Variants in DRD5 observed in about 807,000 individuals in gnomAD.
DRD5 encodes the protein D(1B) dopamine receptor.
For synonymous variants in DRD5, 327 were observed against 277.1 expected (o/e 1.18, Z -1.79); for missense variants, 758 against 657.8 (o/e 1.15, Z -1.67).
chr4:9,783,357 C>A lies in DRD5; in HGVS notation c.1328C>A (p.Thr443Lys), dbSNP rs1718777260. The change falls in exon 1 of 1, where the codon ACG (threonine) becomes AAG (lysine). Residue 443 changes from threonine to lysine, a missense_variant. Thr to Lys is a moderately conservative substitution (Grantham distance 78). Transcript: ENST00000304374. ...GATCGCATGTTCCAGATCTATCAGA[C>A]GTCCCCAGATGGTGACCCTGTTGCT... ...PFDRMFQIYQ[T>K]SPDGDPVAES... 1.9e-6 allele frequency: 3 copies of A among 1,614,112 alleles called. No individual in the cohort carries two copies.
At position 9,783,526 on chromosome 4, in the gene DRD5, C is replaced by T. The variant is rs1718814142; in HGVS notation, c.*63C>T. ...GCACAGACATTGACAAGCACGCACA[C>T]ACACGCAAATACATGCCTTTCCAGT... On this transcript the variant is annotated 3_prime_UTR_variant, in exon 1 of 1. Transcript: ENST00000304374. 1 of 1,450,244 alleles carries T rather than the reference C, an allele frequency of 6.9e-7. No individual in the cohort carries two copies. Among genetic ancestry groups the T allele is most frequent in the Non-Finnish European group, 9.4e-7 (1 of 1,066,532 alleles). 89.8% of individuals were successfully genotyped at this position (1,450,244 alleles called of 1,614,324 possible).
In DRD5 at chr4:9,782,163, G is replaced by C; in HGVS notation, c.134G>C (p.Cys45Ser). The C allele has an allele frequency of 6.3e-7, 1 of 1,591,214 alleles. No homozygotes were observed. Among genetic ancestry groups the C allele is most frequent in the Non-Finnish European group, 8.6e-7 (1 of 1,168,388 alleles). The stretch of plus-strand genomic sequence containing the variant: ...GGGCCCTCACAGGTGGTCACCGCCT[G>C]CCTGCTGACCCTACTCATCATCTGG... ...PLGPSQVVTA[C>S]LLTLLIIWTL... is the part of the protein sequence containing the mutation. The change falls in exon 1 of 1, where the codon TGC becomes TCC. Residue 45 changes from cysteine to serine, a missense_variant. Transcript: ENST00000304374.
Position 9,783,278 on chromosome 4 carries a change from G to A in DRD5, c.1249G>A (p.Ala417Thr), listed in dbSNP as rs1365672576. 4 of 1,614,158 alleles carry A rather than the reference G, an allele frequency of 2.5e-6. No individual in the cohort carries two copies. Among genetic ancestry groups the A allele is most frequent in the East Asian group, 4.5e-5 (2 of 44,872 alleles). Residue 417 changes from alanine to threonine, a missense_variant, in exon 1 of 1, where the codon GCC becomes ACC. Coordinates refer to ENST00000304374, the MANE Select transcript of DRD5 (RefSeq NM_000798.5). Reference protein sequence around the residue: ...AAAYIHMMPNAVTPGNREVDN... With the variant: ...AAAYIHMMPNTVTPGNREVDN... ...TGCCTACATCCACATGATGCCCAAC[G>A]CCGTTACCCCCGGCAACCGGGAGGT...
chr4:9,781,760 G>T lies in DRD5; in HGVS notation c.-270G>T, dbSNP rs1469718352. ...GGCGCGCTACAGACTCCCGAGAACA[G>T]CCCTGGCTGTCAGCGAGCACCAGCC... On this transcript the variant is annotated 5_prime_UTR_variant, in exon 1 of 1. Transcript: ENST00000304374. The T allele has an allele frequency of 5.0e-6, 2 of 396,216 alleles. No homozygotes were observed. The highest frequency in any genetic ancestry group is 8.9e-6 in the Non-Finnish European group (2 of 225,610). 24.5% of individuals were successfully genotyped at this position (396,216 alleles called of 1,614,324 possible).
rs1202240996 is a variant in DRD5 at position 9,782,370 on chromosome 4, A to G, written c.341A>G (p.Asp114Gly). ...TACTGGCCCTTTGGAGCGTTCTGCG[A>G]CGTCTGGGTGGCCTTCGACATCATG... ...AGYWPFGAFC[D>G]VWVAFDIMCS... Residue 114 changes from aspartate to glycine, a missense_variant, in exon 1 of 1, where the codon GAC (aspartate) becomes GGC (glycine). Coordinates refer to ENST00000304374, the MANE Select transcript of DRD5 (RefSeq NM_000798.5). The G allele has an allele frequency of 6.2e-7, 1 of 1,613,974 alleles. No individual in the cohort carries two copies. Among genetic ancestry groups the G allele is most frequent in the Admixed American group, 1.7e-5 (1 of 60,020 alleles).
In DRD5 at chr4:9,782,783, G is replaced by A. The variant is rs750183500; in HGVS notation, c.754G>A (p.Ala252Thr). 2 of 1,613,828 alleles carry A rather than the reference G, an allele frequency of 1.2e-6. No individual in the cohort carries two copies. The highest frequency in any genetic ancestry group is 2.7e-5 in the African/African-American group (2 of 74,920). ...IVTYTRIYRI[A>T]QVQIRRISSL... ...GACCTACACGCGCATCTACCGCATC[G>A]CCCAGGTGCAGATCCGCAGGATTTC... is the stretch of plus-strand genomic sequence containing the variant. Residue 252 changes from alanine to threonine, a missense_variant, in exon 1 of 1, where the codon GCC (alanine) becomes ACC (threonine). Ala to Thr is a moderately conservative substitution (Grantham distance 58). Transcript: ENST00000304374.
Position 9,781,663 on chromosome 4 carries a change from C to A in DRD5, c.-367C>A. 1 of 196,168 alleles carries A rather than the reference C, an allele frequency of 5.1e-6. No homozygotes were observed. The highest frequency in any genetic ancestry group is 1.0e-5 in the Non-Finnish European group (1 of 97,228). 12.2% of individuals were successfully genotyped at this position (196,168 alleles called of 1,614,324 possible). The stretch of plus-strand genomic sequence containing the variant: ...CCAGCCTGGCGCCCGCGACTGCCTG[C>A]CCCAGCCCCTCAGTGGCGGCTTGCT... On this transcript the variant is annotated 5_prime_UTR_variant, in exon 1 of 1. Coordinates refer to ENST00000304374, the MANE Select transcript of DRD5 (RefSeq NM_000798.5).
chr4:9,781,954 G>A lies in DRD5; in HGVS notation c.-76G>A. ...GGCTGAGGGGGCGCATCCTCGGGGTGCCCGATGGGGCTGCCTGGGGGTCGC... is the reference window on the plus strand; with the variant it reads ...GGCTGAGGGGGCGCATCCTCGGGGTACCCGATGGGGCTGCCTGGGGGTCGC... On this transcript the variant is annotated 5_prime_UTR_variant, in exon 1 of 1. Coordinates refer to ENST00000304374, the MANE Select transcript of DRD5 (RefSeq NM_000798.5). 1 of 1,274,528 alleles carries A rather than the reference G, an allele frequency of 7.8e-7. No homozygotes were observed. Among genetic ancestry groups the A allele is most frequent in the Non-Finnish European group, 1.0e-6 (1 of 968,826 alleles). The allele number at this position is 1,274,528 out of a possible 1,614,324, so 79.0% of individuals were successfully genotyped here.
rs934620937 is a variant in DRD5 at position 9,783,614 on chromosome 4, G to A, written c.*151G>A. On this transcript the variant is annotated 3_prime_UTR_variant, in exon 1 of 1. Coordinates refer to ENST00000304374, the MANE Select transcript of DRD5 (RefSeq NM_000798.5). ...GTGTGCTTAGAAACCTCACCCCATT[G>A]ATTGGTAGTTCGAAGAATTGGCAGA... 50 of 747,750 alleles carry A rather than the reference G, an allele frequency of 6.7e-5. No individual in the cohort carries two copies. In the African/African-American group the frequency reaches 7.6e-4, roughly 11 times the overall value. The allele number at this position is 747,750 out of a possible 1,614,324, so 46.3% of individuals were successfully genotyped here.
rs1718627743 is a variant in DRD5, at chr4:9,782,674, G to C, written c.645G>C (p.Glu215Asp). Reference sequence around the variant, plus strand: ...TTTGGGAGCCCGACGTGAATGCAGAGAACTGTGACTCCAGCCTGAATCGAA... The same window carrying C: ...TTTGGGAGCCCGACGTGAATGCAGACAACTGTGACTCCAGCCTGAATCGAA... ...EDFWEPDVNA[E>D]NCDSSLNRTY... The change falls in exon 1 of 1, where the codon GAG becomes GAC. Residue 215 changes from glutamate to aspartate, a missense_variant. Physicochemically the swap from Glu to Asp is conservative, Grantham distance 45 (BLOSUM62 2). Transcript: ENST00000304374. The C allele has an allele frequency of 1.9e-6, 3 of 1,613,900 alleles. No homozygotes were observed. Among genetic ancestry groups the C allele is most frequent in the Non-Finnish European group, 2.5e-6 (3 of 1,179,874 alleles).
chr4:9,782,446 C>A lies in DRD5; in HGVS notation c.417C>A (p.Tyr139Ter). 6.2e-7 allele frequency: 1 copy of A among 1,614,014 alleles called. No individual in the cohort carries two copies. Among genetic ancestry groups the A allele is most frequent in the Non-Finnish European group, 8.5e-7 (1 of 1,179,848 alleles). Residue 139 changes from tyrosine to a stop codon, truncating the protein, a stop_gained, in exon 1 of 1, where the codon TAC becomes TAA. Coordinates refer to ENST00000304374, the MANE Select transcript of DRD5 (RefSeq NM_000798.5). LOFTEE classifies it low-confidence loss of function (END_TRUNC). ...TGTGCGTCATCAGCGTGGACCGCTA[C>A]TGGGCCATCTCCAGGCCCTTCCGCT... ...LNLCVISVDR[Y>*]WAISRPFRYK...
chr4:9,782,291 C>A lies in DRD5; in HGVS notation c.262C>A (p.Leu88Ile), dbSNP rs148402761. The A allele has an allele frequency of 3.7e-6, 6 of 1,614,016 alleles. No homozygotes were observed. The highest frequency in any genetic ancestry group is 1.7e-5 in the Admixed American group (1 of 60,022). ...CATCGTGTCTCTGGCCGTGTCAGAC[C>A]TTTTCGTGGCGCTGCTGGTCATGCC... Reference protein sequence around the residue: ...VFIVSLAVSDLFVALLVMPWK... With the variant: ...VFIVSLAVSDIFVALLVMPWK... The change falls in exon 1 of 1, where the codon CTT becomes ATT. Residue 88 changes from leucine to isoleucine, a missense_variant. Leu to Ile is a conservative substitution (Grantham distance 5, BLOSUM62 2). Coordinates refer to ENST00000304374, the MANE Select transcript of DRD5 (RefSeq NM_000798.5).
Position 9,782,038 on chromosome 4 carries a change from G to T in DRD5, c.9G>T (p.Pro3=), listed in dbSNP as rs1358369657. ML[P]PGSNGTAYPG... ...CTGCAGTCCAGCCCGAAATGCTGCC[G>T]CCAGGCAGCAACGGCACCGCGTACC... The change falls in exon 1 of 1, where the codon CCG becomes CCT. Residue 3 remains proline (P), a synonymous_variant. Transcript: ENST00000304374. The T allele has an allele frequency of 6.8e-6, 10 of 1,467,428 alleles. No individual in the cohort carries two copies. Among genetic ancestry groups the T allele is most frequent in the South Asian group, 5.7e-5 (4 of 70,298 alleles). 90.9% of individuals were successfully genotyped at this position (1,467,428 alleles called of 1,614,324 possible). A position where few individuals can be genotyped will look rare whatever the true frequency, so the allele number is the denominator to read the frequency against.
Position 9,782,071 on chromosome 4 carries a change from G to C in DRD5, c.42G>C (p.Gln14His). ...GCAACGGCACCGCGTACCCGGGGCAGTTCGCTCTATACCAGCAGCTGGCGC... is the reference window on the plus strand; with the variant it reads ...GCAACGGCACCGCGTACCCGGGGCACTTCGCTCTATACCAGCAGCTGGCGC... Reference protein sequence around the residue: ...PGSNGTAYPGQFALYQQLAQG... With the variant: ...PGSNGTAYPGHFALYQQLAQG... The change falls in exon 1 of 1, where the codon CAG becomes CAC. Residue 14 changes from glutamine (Q) to histidine (H), a missense_variant. Physicochemically the swap from Gln to His is conservative, Grantham distance 24. Transcript: ENST00000304374. 1 of 1,500,464 alleles carries C rather than the reference G, an allele frequency of 6.7e-7. No individual in the cohort carries two copies. The highest frequency in any genetic ancestry group is 2.3e-5 in the East Asian group (1 of 42,810). 92.9% of individuals were successfully genotyped at this position (1,500,464 alleles called of 1,614,324 possible). A position where few individuals can be genotyped will look rare whatever the true frequency, so the allele number is the denominator to read the frequency against.
rs1471641335 is a variant in DRD5, at chr4:9,782,891, A to T, written c.862A>T (p.Ile288Phe). Residue 288 changes from isoleucine to phenylalanine, a missense_variant, in exon 1 of 1, where the codon ATC becomes TTC. Coordinates refer to ENST00000304374, the MANE Select transcript of DRD5 (RefSeq NM_000798.5). ...CAPDTSLRAS[I>F]KKETKVLKTL... is the part of the protein sequence containing the mutation. ...GCCCGACACCAGCCTGCGCGCTTCC[A>T]TCAAGAAGGAGACCAAGGTTCTCAA... 6.2e-7 allele frequency: 1 copy of T among 1,613,978 alleles called. No homozygotes were observed. Among genetic ancestry groups the T allele is most frequent in the Non-Finnish European group, 8.5e-7 (1 of 1,180,000 alleles).
Position 9,783,067 on chromosome 4 carries a change from G to C in DRD5, c.1038G>C (p.Trp346Cys), listed in dbSNP as rs751202131. 5.0e-6 allele frequency: 8 copies of C among 1,614,204 alleles called. No individual in the cohort carries two copies. The South Asian group carries it at 8.8e-5, about 18-fold the overall frequency. The change falls in exon 1 of 1, where the codon TGG (tryptophan) becomes TGC (cysteine). Residue 346 changes from tryptophan to cysteine, a missense_variant. Trp to Cys is a radical substitution (Grantham distance 215, BLOSUM62 -2). Transcript: ENST00000304374. ...VSETTFDVFV[W>C]FGWANSSLNP... ...AGACCACCTTCGACGTCTTCGTCTGGTTCGGCTGGGCTAACTCCTCACTCA... is the reference window on the plus strand; with the variant it reads ...AGACCACCTTCGACGTCTTCGTCTGCTTCGGCTGGGCTAACTCCTCACTCA...
In DRD5 at chr4:9,783,209, A is replaced by T. The variant is rs760379596; in HGVS notation, c.1180A>T (p.Ile394Phe). The T allele has an allele frequency of 6.2e-6, 10 of 1,614,070 alleles. No individual in the cohort carries two copies. The highest frequency in any genetic ancestry group is 8.5e-6 in the Non-Finnish European group (10 of 1,180,052). Reference protein sequence around the residue: ...VETVNISNELISYNQDIVFHK... With the variant: ...VETVNISNELFSYNQDIVFHK... ...GACGGTGAACATCAGCAATGAGCTC[A>T]TCTCCTACAACCAAGACATCGTCTT... Residue 394 changes from isoleucine (I) to phenylalanine (F), a missense_variant, in exon 1 of 1, where the codon ATC becomes TTC. Coordinates refer to ENST00000304374, the MANE Select transcript of DRD5 (RefSeq NM_000798.5).
At position 9,783,285 on chromosome 4, in the gene DRD5, C is replaced by G; in HGVS notation, c.1256C>G (p.Thr419Ser). Residue 419 changes from threonine (T) to serine (S), a missense_variant, in exon 1 of 1, where the codon ACC becomes AGC. Physicochemically the swap from Thr to Ser is moderately conservative, Grantham distance 58. Coordinates refer to ENST00000304374, the MANE Select transcript of DRD5 (RefSeq NM_000798.5). ...AYIHMMPNAV[T>S]PGNREVDNDE... ...ATCCACATGATGCCCAACGCCGTTACCCCCGGCAACCGGGAGGTGGACAAC... is the reference window on the plus strand; with the variant it reads ...ATCCACATGATGCCCAACGCCGTTAGCCCCGGCAACCGGGAGGTGGACAAC... 6.2e-7 allele frequency: 1 copy of G among 1,614,206 alleles called. No individual in the cohort carries two copies.
Position 9,783,581 on chromosome 4 carries a change from A to G in DRD5, c.*118A>G. The G allele has an allele frequency of 1.0e-6, 1 of 1,002,194 alleles. No homozygotes were observed. Among genetic ancestry groups the G allele is most frequent in the Non-Finnish European group, 1.4e-6 (1 of 689,990 alleles). 62.1% of individuals were successfully genotyped at this position (1,002,194 alleles called of 1,614,324 possible). ...CTCCCTTTATCATGTGTTTCTGTGT[A>G]GTAGCTCGTGTGCTTAGAAACCTCA... On this transcript the variant is annotated 3_prime_UTR_variant, in exon 1 of 1. Transcript: ENST00000304374.
Sources: allele counts gnomAD v4.1 joint callset, GRCh38; gene constraint gnomAD v4.1.1; transcripts MANE v1.5; gene names NCBI Gene and HGNC (gene_info 2026-07-23, HGNC 2026-07-21).